EPC2: variants seen among roughly 807,000 people sequenced by gnomAD.
EPC2 encodes enhancer of polycomb homolog 2.
Under a neutral mutation model 92.1 loss-of-function variants are expected in EPC2, and 14 were observed. That is an observed-to-expected ratio of 0.15 (90% CI 0.10 to 0.24). EPC2 has a LOEUF of 0.24. Among genes scored for constraint, EPC2 ranks in the 10% least tolerant of loss-of-function variants. EPC2 has a pLI of 1.00. For missense variants in EPC2, 755 were observed against 971.5 expected (o/e 0.78, Z 2.96); for synonymous variants, 340 against 334.7 (o/e 1.02, Z -0.17).
chr2:148,740,446 G>C (rs1682860349), intron 2 of EPC2, among the ~76,000 whole-genome samples: 1 of 152,056 alleles, frequency 6.6e-6, no homozygotes, highest in Non-Finnish European at 1.5e-5. Flanking sequence ...AGAAATGGTA[G>C]TATAGAATAC....
chr2:148,653,629 CAG>C (rs1297434856), intron 1 of EPC2, among the ~76,000 whole-genome samples: 2 of 151,784 alleles, frequency 1.3e-5, no homozygotes, highest in Non-Finnish European at 2.9e-5. Context: ...GCTATAAAGT[CAG>C]AGGAATGCAG....
chr2:148,677,796 T>C (rs572751462), intron 1 of EPC2, among the ~76,000 whole-genome samples: 1 of 152,138 alleles, frequency 6.6e-6, no homozygotes, highest in South Asian at 2.1e-4. Flanking sequence ...GTTACAGCTC[T>C]TAAGGCGGCG....
At chr2:148,773,928 G>A (rs909394017) in intron 10 of EPC2, among the ~76,000 whole-genome samples, 1 of 152,040 alleles carries the variant, frequency 6.6e-6, no homozygotes, top group Non-Finnish European at 1.5e-5. Flanking sequence ...CATGTGTTTG[G>A]TTTTTCTAAT....
intron 1 of EPC2, among the ~76,000 whole-genome samples, chr2:148,658,114 A>G (rs944169580): frequency 1.3e-5 from 2 of 152,114 alleles, no homozygotes. Flanking sequence ...ATCAGTTTGT[A>G]ACTTTGTTTT....
At chr2:148,719,178 T>G (rs1682319959) in intron 2 of EPC2, among the ~76,000 whole-genome samples, 1 of 152,206 alleles carries the variant, frequency 6.6e-6, no homozygotes, top group African/African-American at 2.4e-5. Context: ...TTGCATTGGG[T>G]TAAAACATGC....
chr2:148,669,221 T>C (rs1423845227), intron 1 of EPC2, among the ~76,000 whole-genome samples: 1 of 152,226 alleles, frequency 6.6e-6, no homozygotes, highest in Non-Finnish European at 1.5e-5. Context: ...TTACTAGTAG[T>C]TTCTTCTGGT....
chr2:148,735,101 T>A (rs1442631550), intron 2 of EPC2, among the ~76,000 whole-genome samples: 1 of 152,076 alleles, frequency 6.6e-6, no homozygotes, highest in Non-Finnish European at 1.5e-5. Flanking sequence ...GAATATAATG[T>A]TATGAATGGC....
chr2:148,767,323 A>G (rs1419767410), intron 7 of EPC2, among the ~76,000 whole-genome samples: 11 of 152,138 alleles, frequency 7.2e-5, no homozygotes, highest in East Asian at 1.9e-4. Flanking sequence ...TATGTTTCTC[A>G]TGCATTAAGG....
At chr2:148,675,108 A>G (rs192825684) in intron 1 of EPC2, among the ~76,000 whole-genome samples, 33 of 152,148 alleles carry the variant, frequency 2.2e-4, no homozygotes, top group African/African-American at 6.3e-4. Flanking sequence ...TTTTCATTCA[A>G]TTGGGTATTT....
At chr2:148,682,262 G>T (rs1218502096) in intron 1 of EPC2, among the ~76,000 whole-genome samples, 3 of 152,246 alleles carry the variant, frequency 2.0e-5, no homozygotes, top group African/African-American at 7.2e-5. Context: ...GGGTCGAATG[G>T]TATTTCTAGT....
chr2:148,710,736 C>G (rs1682121827), intron 2 of EPC2, among the ~76,000 whole-genome samples: 1 of 152,080 alleles, frequency 6.6e-6, no homozygotes, highest in Non-Finnish European at 1.5e-5. Context: ...CTCAGCAAAC[C>G]ATTGCAAGGG....
In EPC2 at chr2:148,644,955, C is replaced by A; in HGVS notation, c.-63C>A. Reference sequence around the variant, plus strand: ...GGAGGTGGAGGAGGCGGCGGGAGTCCTCCCCCCCTCCCCGCCCGCCCCGCC... The same window carrying A: ...GGAGGTGGAGGAGGCGGCGGGAGTCATCCCCCCCTCCCCGCCCGCCCCGCC... On this transcript the variant is annotated 5_prime_UTR_variant, in exon 1 of 14. Transcript: ENST00000258484. 1 of 1,399,762 alleles carries A rather than the reference C, an allele frequency of 7.1e-7. No individual in the cohort carries two copies. The highest frequency in any genetic ancestry group is 2.5e-5 in the East Asian group (1 of 39,950). 86.7% of individuals were successfully genotyped at this position (1,399,762 alleles called of 1,614,324 possible). A position where few individuals can be genotyped will look rare whatever the true frequency, so the allele number is the denominator to read the frequency against.
intron 8 of EPC2, among the ~76,000 whole-genome samples, chr2:148,769,754 C>G (rs534991983): frequency 3.9e-4 from 59 of 152,238 alleles, no homozygotes; most frequent in African/African-American, 1.4e-3. Context: ...GCTATGAAGT[C>G]GCATTATATC....
At chr2:148,756,162 C>T (rs1172786446) in intron 4 of EPC2, among the ~76,000 whole-genome samples, 2 of 152,154 alleles carry the variant, frequency 1.3e-5, no homozygotes, top group Non-Finnish European at 2.9e-5. Context: ...TTTGTGATCA[C>T]TAATACAGGT....
In EPC2 at chr2:148,644,962, C is replaced by A. The variant is rs1343977053; in HGVS notation, c.-56C>A. 62 of 1,469,614 alleles carry A rather than the reference C, an allele frequency of 4.2e-5. No homozygotes were observed. The highest frequency in any genetic ancestry group is 5.9e-5 in the Admixed American group (3 of 50,552). The allele number at this position is 1,469,614 out of a possible 1,614,324, so 91.0% of individuals were successfully genotyped here. On this transcript the variant is annotated 5_prime_UTR_variant, in exon 1 of 14. Coordinates refer to ENST00000258484, the MANE Select transcript of EPC2 (RefSeq NM_015630.4). The stretch of plus-strand genomic sequence containing the variant: ...GAGGAGGCGGCGGGAGTCCTCCCCC[C>A]CTCCCCGCCCGCCCCGCCGCCGCCG...
intron 2 of EPC2, among the ~76,000 whole-genome samples, chr2:148,729,060 A>C (rs1309662421): frequency 4.1e-5 from 6 of 145,908 alleles, no homozygotes; most frequent in Admixed American, 2.7e-4. Context: ...AAAAAAAAGC[A>C]AACTTGGATT....
At chr2:148,708,579 G>A (rs1682060394) in intron 2 of EPC2, among the ~76,000 whole-genome samples, 1 of 152,184 alleles carries the variant, frequency 6.6e-6, no homozygotes, top group Non-Finnish European at 1.5e-5. Context: ...GATGAACATT[G>A]ATGTGAAAAT....
chr2:148,645,293 G>C, intron 1 of EPC2, 123 bp downstream of exon 1: 1 of 859,628 alleles, frequency 1.2e-6, no homozygotes, highest in Non-Finnish European at 1.8e-6. Context: ...TCTAACGCAC[G>C]GGACTCTACG....
At chr2:148,712,077 T>A (rs1262931710) in intron 2 of EPC2, among the ~76,000 whole-genome samples, 1 of 152,228 alleles carries the variant, frequency 6.6e-6, no homozygotes, top group East Asian at 1.9e-4. Context: ...TGATTATTGA[T>A]TTCCTTGGAT....
Sources: gnomAD v4.1 joint callset for allele counts (sites outside exome capture counted in the v4.1 genomes callset) on GRCh38, gnomAD v4.1.1 for gene constraint, MANE v1.5 for transcripts, NCBI Gene and HGNC (gene_info 2026-07-23, HGNC 2026-07-21) for gene names.